The following GRIK5 variants were observed in gnomAD, a reference collection of about 807,000 sequenced individuals.
The protein encoded by GRIK5 is glutamate receptor ionotropic, kainate 5.
In GRIK5, 43 loss-of-function variants were observed where a neutral mutation model predicts 97.4. The ratio of observed to expected loss-of-function variants is 0.44; its 90% CI spans 0.35 to 0.57. The LOEUF (loss-of-function observed/expected upper bound fraction) is 0.57, where lower values mean the gene tolerates loss of function less well. Among genes scored for constraint, GRIK5 ranks in the 20% least tolerant of loss-of-function variants. The pLI, the probability that GRIK5 is intolerant of heterozygous loss-of-function variation, is 0.01. For synonymous variants in GRIK5, 580 were observed against 583.5 expected, an observed-to-expected ratio of 0.99 and a Z score of 0.09; for missense variants, 1,015 against 1,382.0, an observed-to-expected ratio of 0.73 and a Z score of 4.21.
intron 15 of GRIK5, among the ~76,000 whole-genome samples, chr19:42,014,987 C>A (rs1001734927): frequency 1.3e-5 from 2 of 152,162 alleles, no homozygotes; most frequent in Non-Finnish European, 2.9e-5. Flanking sequence ...AAACATTAAG[C>A]CTCAGAAAGC....
intron 6 of GRIK5, among the ~76,000 whole-genome samples, 195 bp from the exon 7 acceptor site, chr19:42,057,173 C>T (rs1241206392): frequency 6.6e-6 from 1 of 152,086 alleles, no homozygotes; most frequent in Non-Finnish European, 1.5e-5. Flanking sequence ...ATAGGGAGGC[C>T]TTAGTCCCTG....
chr19:42,009,938 C>G (rs1357529280), intron 15 of GRIK5, among the ~76,000 whole-genome samples: 1 of 149,832 alleles, frequency 6.7e-6, no homozygotes, highest in Non-Finnish European at 1.5e-5. Flanking sequence ...TGGTGGTGCA[C>G]GCCTGTAATC....
chr19:42,042,834 C>A lies in GRIK5; in HGVS notation c.1270-79G>T. 1 of 1,035,308 alleles carries A rather than the reference C, an allele frequency of 9.7e-7. No homozygotes were observed. The highest frequency in any genetic ancestry group is 1.4e-6 in the Non-Finnish European group (1 of 692,538). The allele number at this position is 1,035,308 out of a possible 1,614,324, so 64.1% of individuals were successfully genotyped here. A position where few individuals can be genotyped will look rare whatever the true frequency, so the allele number is the denominator to read the frequency against. On this transcript the variant is annotated intron_variant, in intron 11 of 19. Transcript: ENST00000593562. The surrounding 1 kb of genome is among the most constrained non-coding windows in gnomAD (Gnocchi z 6.9). ...TGCGGATCCTGGAGCCCGGACCAGG[C>A]AGGTAGAGCAGGAATCTGCTTGCTG...
Position 42,003,736 on chromosome 19 carries a change from C to T in GRIK5, c.2264-53G>A, listed in dbSNP as rs545248277. On this transcript the variant is annotated intron_variant, in intron 17 of 19. Coordinates refer to ENST00000593562, the MANE Select transcript of GRIK5 (RefSeq NM_002088.5). The surrounding 1 kb of genome is among the most constrained non-coding windows in gnomAD (Gnocchi z 4.2). ...AGCCATCGGGCCCTGCAGCCCTGAC[C>T]GCCCCAAACCCCAAACTGTGCCCTC... is the stretch of plus-strand genomic sequence containing the variant. The T allele has an allele frequency of 8.8e-5, 134 of 1,520,064 alleles. No homozygotes were observed. Among genetic ancestry groups the T allele is most frequent in the Admixed American group, 8.6e-5 (4 of 46,564 alleles). The allele number at this position is 1,520,064 out of a possible 1,614,324, so 94.2% of individuals were successfully genotyped here.
chr19:42,056,606 C>T, intron 8 of GRIK5, 56 bp downstream of exon 8: 1 of 1,531,812 alleles, frequency 6.5e-7, no homozygotes, highest in South Asian at 1.2e-5. Flanking sequence ...GAAAGGGGGC[C>T]CCAGAAGTAT....
chr19:42,037,316 G>A (rs758848266), intron 12 of GRIK5, among the ~76,000 whole-genome samples: 14 of 152,106 alleles, frequency 9.2e-5, no homozygotes, highest in Non-Finnish European at 1.6e-4. Context: ...AAAAATAGCC[G>A]GGCATTGTGG....
chr19:42,022,091 CT>C lies in GRIK5; in HGVS notation c.1588-36del. 6.6e-7 allele frequency: 1 copy of C among 1,516,842 alleles called. No individual in the cohort carries two copies. Among genetic ancestry groups the C allele is most frequent in the East Asian group, 2.3e-5 (1 of 43,568 alleles). The allele number at this position is 1,516,842 out of a possible 1,614,324, so 94.0% of individuals were successfully genotyped here. A position where few individuals can be genotyped will look rare whatever the true frequency, so the allele number is the denominator to read the frequency against. On this transcript the variant is annotated intron_variant, in intron 13 of 19. Transcript: ENST00000593562. The surrounding 1 kb of genome is among the most constrained non-coding windows in gnomAD (Gnocchi z 4.2). Reference sequence around the variant, plus strand: ...GAGGGAGTGAGACCCGGAGACACCCCTGGCCTGAGCCTCACACCCAGCCCCT... The same window carrying C: ...GAGGGAGTGAGACCCGGAGACACCCCGGCCTGAGCCTCACACCCAGCCCCT...
In GRIK5 at chr19:42,054,408, C is replaced by T. The variant is rs1004509650; in HGVS notation, c.968G>A (p.Arg323His). 1.8e-5 allele frequency: 29 copies of T among 1,613,688 alleles called. No individual in the cohort carries two copies. Among genetic ancestry groups the T allele is most frequent in the Non-Finnish European group, 2.2e-5 (26 of 1,179,994 alleles). Residue 323 changes from arginine (R) to histidine (H), a missense_variant, in exon 9 of 20, where the codon CGC (arginine) becomes CAC (histidine). Physicochemically the swap from Arg to His is conservative, Grantham distance 29. Transcript: ENST00000593562. Reference protein sequence around the residue: ...VVVSAVRELNRSQEIGVKPLA... With the variant: ...VVVSAVRELNHSQEIGVKPLA... ...AGGCTTCACACCGATCTCCTGGCTG[C>T]GGTTCAGCTCTCGGACAGCGCTCAC...
chr19:42,065,794 G>A lies in GRIK5; in HGVS notation c.-24C>T, dbSNP rs774180633. On this transcript the variant is annotated 5_prime_UTR_variant, in exon 2 of 20. Coordinates refer to ENST00000593562, the MANE Select transcript of GRIK5 (RefSeq NM_002088.5). The surrounding 1 kb of genome is among the most constrained non-coding windows in gnomAD (Gnocchi z 5.8). ...ATCTTCCTCCCCTCCTCATGGGGAC[G>A]CAGCTGCCGCGGCCCCCACTCGCCA... 22 of 1,546,394 alleles carry A rather than the reference G, an allele frequency of 1.4e-5. No individual in the cohort carries two copies. The highest frequency in any genetic ancestry group is 7.7e-5 in the Admixed American group (4 of 51,926).
At position 42,069,730 on chromosome 19, in the gene GRIK5, G is replaced by A. The variant is rs1335092326; in HGVS notation, c.-540C>T. Among the ~76,000 whole-genome samples the A allele has an allele frequency of 1.3e-5, 2 of 150,606 alleles. No individual in the cohort carries two copies. The highest frequency in any genetic ancestry group is 6.6e-5 in the Admixed American group (1 of 15,226). On this transcript the variant is annotated 5_prime_UTR_variant, in exon 1 of 20. Coordinates refer to ENST00000593562, the MANE Select transcript of GRIK5 (RefSeq NM_002088.5). ...GGAGAAGTGGGGGAGGGGAGGGCCT[G>A]CTGGGGGAGGGGGCCGCCCCCTTTC...
At chr19:42,008,024 T>C (rs1555873116) in intron 15 of GRIK5, among the ~76,000 whole-genome samples, 3 of 152,074 alleles carry the variant, frequency 2.0e-5, no homozygotes, top group African/African-American at 7.2e-5. Flanking sequence ...AAACAATGTC[T>C]GTTATGTAAT....
chr19:42,054,388 T>G lies in GRIK5; in HGVS notation c.988A>C (p.Lys330Gln). 1 of 1,613,760 alleles carries G rather than the reference T, an allele frequency of 6.2e-7. No individual in the cohort carries two copies. Among genetic ancestry groups the G allele is most frequent in the Non-Finnish European group, 8.5e-7 (1 of 1,180,000 alleles). ...ELNRSQEIGV[K>Q]PLACTSANIW... is the part of the protein sequence containing the mutation. ...TTGGCCGATGTACAGGCCAGAGGCT[T>G]CACACCGATCTCCTGGCTGCGGTTC... Residue 330 changes from lysine to glutamine, a missense_variant, in exon 9 of 20, where the codon AAG becomes CAG. Coordinates refer to ENST00000593562, the MANE Select transcript of GRIK5 (RefSeq NM_002088.5).
At chr19:42,004,938 C>T (rs141329576) in intron 17 of GRIK5, among the ~76,000 whole-genome samples, 20 of 152,254 alleles carry the variant, frequency 1.3e-4, no homozygotes, top group East Asian at 5.8e-4. Flanking sequence ...GAATCCAGGT[C>T]GGTGTGACTC....
At chr19:42,053,383 G>A (rs189143586) in intron 11 of GRIK5, among the ~76,000 whole-genome samples, 1 of 152,344 alleles carries the variant, frequency 6.6e-6, no homozygotes, top group East Asian at 1.9e-4. Context: ...GCAAAGAGCT[G>A]GGTTAAATCT....
At chr19:42,032,995 T>C (rs536461053) in intron 12 of GRIK5, among the ~76,000 whole-genome samples, 1 of 152,330 alleles carries the variant, frequency 6.6e-6, no homozygotes, top group Admixed American at 6.5e-5. Flanking sequence ...CCTGCTGGCC[T>C]ATGCATACAA....
At chr19:42,007,581 C>T (rs1462508683) in intron 15 of GRIK5, among the ~76,000 whole-genome samples, 2 of 152,072 alleles carry the variant, frequency 1.3e-5, no homozygotes, top group Non-Finnish European at 2.9e-5. Flanking sequence ...GCCAACATGG[C>T]TGGAATTTGG....
Position 42,002,121 on chromosome 19 carries a change from A to G in GRIK5, c.2514+1211T>C, listed in dbSNP as rs782720896. ...AGGCCTGAGACCGGGAATTTCAGAC[A>G]TGGAAGTTGCTGGTGACAAGAGTGG... is the stretch of plus-strand genomic sequence containing the variant. On this transcript the variant is annotated intron_variant, in intron 19 of 19. Coordinates refer to ENST00000593562, the MANE Select transcript of GRIK5 (RefSeq NM_002088.5). The surrounding 1 kb of genome is among the most constrained non-coding windows in gnomAD (Gnocchi z 5.2). 7.8e-5 allele frequency: 56 copies of G among 716,712 alleles called. No homozygotes were observed. Among genetic ancestry groups the G allele is most frequent in the East Asian group, 2.7e-5 (1 of 37,296 alleles). The allele number at this position is 716,712 out of a possible 1,614,324, so 44.4% of individuals were successfully genotyped here.
Position 42,065,110 on chromosome 19 carries a change from G to T in GRIK5, c.244+113C>A. ...AAGGCAGAGACAAACACAAAGAAGG[G>T]GGAGGATGGAGCTAGAAGAGGACAA... On this transcript the variant is annotated intron_variant, in intron 3 of 19. Transcript: ENST00000593562. This position sits in a 1 kb window ranked among gnomAD's most constrained non-coding sequence, Gnocchi z 5.8. 1.1e-6 allele frequency: 1 copy of T among 888,144 alleles called. No individual in the cohort carries two copies. The highest frequency in any genetic ancestry group is 1.7e-6 in the Non-Finnish European group (1 of 582,812). 55.0% of individuals were successfully genotyped at this position (888,144 alleles called of 1,614,324 possible).
rs771221343 is a variant in GRIK5 at position 42,062,835 on chromosome 19, C to T, written c.265G>A (p.Gly89Arg). 9 of 1,613,834 alleles carry T rather than the reference C, an allele frequency of 5.6e-6. No individual in the cohort carries two copies. In the East Asian group the frequency reaches 8.9e-5, roughly 16 times the overall value. The part of the protein sequence containing the change: ...TDTMCQILPK[G>R]VVSVLGPSSS... ...GAGGGCCCAAGGACAGACACAACCC[C>T]TTTGGGTAAGATCTGACACACTGCG... Residue 89 changes from glycine to arginine, a missense_variant, in exon 4 of 20, where the codon GGG (glycine) becomes AGG (arginine). By Grantham distance (125) the Gly-to-Arg change is moderately radical. This residue lies in a region of GRIK5 where 198 missense variants were observed against 218.2 expected (regional missense o/e 0.91). Coordinates refer to ENST00000593562, the MANE Select transcript of GRIK5 (RefSeq NM_002088.5). The surrounding 1 kb of genome is among the most constrained non-coding windows in gnomAD (Gnocchi z 5.3).
Sources: allele counts gnomAD v4.1 joint callset (sites outside exome capture counted in the v4.1 genomes callset), GRCh38; gene constraint gnomAD v4.1.1; regional missense constraint gnomAD v4.1.1; non-coding constraint Gnocchi (gnomAD v3.1); transcripts MANE v1.5; gene names NCBI Gene and HGNC (gene_info 2026-07-23, HGNC 2026-07-21).